The following KLHL20 variants were observed in gnomAD, a reference collection of about 807,000 sequenced individuals.
The protein encoded by KLHL20 is kelch like family member 20.
KLHL20 carries 29 observed loss-of-function variants against 69.5 expected under a neutral mutation model. The observed-to-expected ratio is 0.42, with a 90% CI of 0.31 to 0.57. The LOEUF (loss-of-function observed/expected upper bound fraction) is 0.57, where lower values mean the gene tolerates loss of function less well. KLHL20 is among the 20% of genes least tolerant of loss of function. KLHL20 has a pLI of 0.18. For missense variants in KLHL20, 419 were observed against 776.0 expected, an observed-to-expected ratio of 0.54 and a Z score of 5.47; for synonymous variants, 253 against 265.2, an observed-to-expected ratio of 0.95 and a Z score of 0.45.
chr1:173,736,919 G>A (rs760195067), intron 3 of KLHL20, among the ~76,000 whole-genome samples: 7 of 152,076 alleles, frequency 4.6e-5, no homozygotes, highest in Non-Finnish European at 8.8e-5. Flanking sequence ...TTTAAATTAT[G>A]GCCATTCTTG....
intron 9 of KLHL20, among the ~76,000 whole-genome samples, chr1:173,774,965 C>T (rs1648362804): frequency 6.6e-6 from 1 of 151,994 alleles, no homozygotes; most frequent in Non-Finnish European, 1.5e-5. Context: ...TGTATGCCAC[C>T]ACACTTGGCT....
At chr1:173,749,335 A>T (rs1000008836) in intron 3 of KLHL20, among the ~76,000 whole-genome samples, 1 of 152,202 alleles carries the variant, frequency 6.6e-6, no homozygotes, top group Non-Finnish European at 1.5e-5. Flanking sequence ...AGCTTTATTC[A>T]TTCTTCAAAT....
chr1:173,742,710 A>G (rs1672869485), intron 3 of KLHL20, among the ~76,000 whole-genome samples: 1 of 151,146 alleles, frequency 6.6e-6, no homozygotes, highest in Non-Finnish European at 1.5e-5. Context: ...ACATATACAT[A>G]TGTACACATG....
At chr1:173,725,998 C>A (rs1671939734) in intron 2 of KLHL20, among the ~76,000 whole-genome samples, 1 of 152,162 alleles carries the variant, frequency 6.6e-6, no homozygotes, top group South Asian at 2.1e-4. Flanking sequence ...CTTTCCTAGC[C>A]AAGGAAAGAG....
At chr1:173,716,798 A>C (rs1671483731) in intron 2 of KLHL20, among the ~76,000 whole-genome samples, 1 of 152,204 alleles carries the variant, frequency 6.6e-6, no homozygotes, top group Non-Finnish European at 1.5e-5. Context: ...CAACTTCTGC[A>C]GTTCTTTTAA....
chr1:173,762,988 T>G (rs979008147), intron 7 of KLHL20, among the ~76,000 whole-genome samples: 1 of 152,178 alleles, frequency 6.6e-6, no homozygotes, highest in Admixed American at 6.5e-5. Context: ...TAAGGACTCC[T>G]CTAGAAAGCT....
chr1:173,770,716 A>C (rs1406664482), intron 8 of KLHL20, among the ~76,000 whole-genome samples: 1 of 151,984 alleles, frequency 6.6e-6, no homozygotes, highest in East Asian at 1.9e-4. Flanking sequence ...AAAAAACAAG[A>C]GATACCATTT....
chr1:173,770,936 A>G (rs1055106328), intron 8 of KLHL20, among the ~76,000 whole-genome samples: 5 of 152,198 alleles, frequency 3.3e-5, no homozygotes, highest in African/African-American at 1.2e-4. Context: ...ATATGCTAAT[A>G]ACATGACTGT....
chr1:173,775,540 ATG>A lies in KLHL20; in HGVS notation c.1430-90_1430-89del. 8.0e-6 allele frequency: 8 copies of A among 1,005,650 alleles called. No individual in the cohort carries two copies. The South Asian group carries it at 1.1e-4, about 13-fold the overall frequency. 62.3% of individuals were successfully genotyped at this position (1,005,650 alleles called of 1,614,324 possible). On this transcript the variant is annotated intron_variant, in intron 9 of 11. Transcript: ENST00000209884. ...AAAAATCAGATCATGTGTTGAAAAT[ATG>A]TGTTATCACAAAGTATCAGTGGCTA...
intron 3 of KLHL20, among the ~76,000 whole-genome samples, chr1:173,749,026 T>C (rs943872351): frequency 6.6e-6 from 1 of 152,160 alleles, no homozygotes; most frequent in African/African-American, 2.4e-5. Context: ...ACCTGATACA[T>C]ACCATATTGA....
In KLHL20 at chr1:173,774,394, T is replaced by TA. The variant is rs1416045567; in HGVS notation, c.1386dup (p.Tyr463IlefsTer7). ...GCTGTGGCTGTGTTAGGAGGGTTCTTATATGCTGTAGGTGGCTCTGACGGG... is the reference window on the plus strand; with the variant it reads ...GCTGTGGCTGTGTTAGGAGGGTTCTTAATATGCTGTAGGTGGCTCTGACGGG... On this transcript the variant is annotated frameshift_variant, in exon 9 of 12. Coordinates refer to ENST00000209884, the MANE Select transcript of KLHL20 (RefSeq NM_014458.4). LOFTEE classifies it high-confidence loss of function. 6.2e-7 allele frequency: 1 copy of TA among 1,614,118 alleles called. No individual in the cohort carries two copies. Among genetic ancestry groups the TA allele is most frequent in the Non-Finnish European group, 8.5e-7 (1 of 1,180,016 alleles).
In KLHL20 at chr1:173,778,966, G is replaced by A. The variant is rs559763469; in HGVS notation, c.1638+3124G>A. On this transcript the variant is annotated intron_variant, in intron 10 of 11. Transcript: ENST00000209884. ...CTTAAATTTCATTAATTTCTGCTCT[G>A]ATCTTTATTGTTTCTTCTCATTTTG... Among the ~76,000 whole-genome samples the A allele has an allele frequency of 8.3e-4, 126 of 151,392 alleles. 3 individuals are homozygous for A. Among genetic ancestry groups the A allele is most frequent in the Admixed American group, 2.0e-3 (31 of 15,210 alleles).
chr1:173,765,180 A>G (rs1383325432), intron 7 of KLHL20, among the ~76,000 whole-genome samples: 1 of 152,196 alleles, frequency 6.6e-6, no homozygotes, highest in East Asian at 1.9e-4. Flanking sequence ...TATGTCTACA[A>G]AAAGAGCAAT....
intron 8 of KLHL20, among the ~76,000 whole-genome samples, chr1:173,771,206 C>T (rs542441076): frequency 6.6e-6 from 1 of 152,328 alleles, no homozygotes; most frequent in East Asian, 1.9e-4. Flanking sequence ...CCCTTGAGCC[C>T]TCTAGGAGAA....
At chr1:173,729,587 A>G (rs1672155103) in intron 2 of KLHL20, among the ~76,000 whole-genome samples, 1 of 152,182 alleles carries the variant, frequency 6.6e-6, no homozygotes, top group South Asian at 2.1e-4. Flanking sequence ...ATCAATAAAC[A>G]TAATCAGTTA....
intron 11 of KLHL20, among the ~76,000 whole-genome samples, chr1:173,783,339 T>G (rs1199954316): frequency 1.3e-5 from 2 of 152,216 alleles, no homozygotes; most frequent in Admixed American, 1.3e-4. Context: ...AGCTGAGCTC[T>G]GTTTTATTGT....
intron 3 of KLHL20, chr1:173,741,775 A>T: frequency 3.4e-6 from 5 of 1,484,088 alleles, no homozygotes; most frequent in Non-Finnish European, 4.6e-6. Context: ...TACTTCATGG[A>T]TGTGGAATGC....
At chr1:173,756,873 C>A in intron 6 of KLHL20, 103 bp from the exon 7 acceptor site, 2 of 1,020,476 alleles carry the variant, frequency 2.0e-6, no homozygotes, top group Non-Finnish European at 2.9e-6. Context: ...CTACTAGAGA[C>A]ATTTGGTGAG....
chr1:173,727,722 A>G (rs1294172571), intron 2 of KLHL20, among the ~76,000 whole-genome samples: 1 of 152,108 alleles, frequency 6.6e-6, no homozygotes, highest in Non-Finnish European at 1.5e-5. Flanking sequence ...TCACCACCAG[A>G]CCTGCCCGAA....
Sources: gnomAD v4.1 joint callset for allele counts (sites outside exome capture counted in the v4.1 genomes callset) on GRCh38, gnomAD v4.1.1 for gene constraint, MANE v1.5 for transcripts, NCBI Gene and HGNC (gene_info 2026-07-23, HGNC 2026-07-21) for gene names.